ANKS1B: variants seen among roughly 807,000 people sequenced by gnomAD.
The protein encoded by ANKS1B is ankyrin repeat and sterile alpha motif domain containing 1B, also known as ankyrin repeat and sterile alpha motif domain-containing protein 1B.
In ANKS1B, 36 loss-of-function variants were observed where a neutral mutation model predicts 148.3. That is an observed-to-expected ratio of 0.24 (90% CI 0.19 to 0.32). The LOEUF (loss-of-function observed/expected upper bound fraction) is 0.32, where lower values mean the gene tolerates loss of function less well. ANKS1B is among the 10% of genes least tolerant of loss of function. The pLI, the probability that ANKS1B is intolerant of heterozygous loss-of-function variation, is 1.00. For synonymous variants in ANKS1B, 542 were observed against 560.8 expected, an observed-to-expected ratio of 0.97 and a Z score of 0.47; for missense variants, 1,157 against 1,542.6, an observed-to-expected ratio of 0.75 and a Z score of 4.19.
At chr12:99,850,112 A>G (rs990675150) in intron 1 of ANKS1B, among the ~76,000 whole-genome samples, 1 of 152,172 alleles carries the variant, frequency 6.6e-6, no homozygotes, top group African/African-American at 2.4e-5. Flanking sequence ...TAACAGTGGT[A>G]ACAGAAATTG....
At chr12:99,383,910 G>C (rs1272647961) in intron 12 of ANKS1B, among the ~76,000 whole-genome samples, 1 of 151,154 alleles carries the variant, frequency 6.6e-6, no homozygotes, top group East Asian at 1.9e-4. Flanking sequence ...CATGCCTGTA[G>C]TCTCAGCTAC....
chr12:99,475,255 GA>G (rs561280407), intron 10 of ANKS1B, among the ~76,000 whole-genome samples: 83 of 109,804 alleles, frequency 7.6e-4, no homozygotes, highest in African/African-American at 1.3e-3. Flanking sequence ...AAAAAAAAAA[GA>G]AAAAAAAAAA....
chr12:99,550,821 G>A (rs191052706), intron 9 of ANKS1B, among the ~76,000 whole-genome samples: 1 of 152,282 alleles, frequency 6.6e-6, no homozygotes, highest in Non-Finnish European at 1.5e-5. Context: ...TAAAGCTTCT[G>A]TAGATAAATG....
intron 17 of ANKS1B, among the ~76,000 whole-genome samples, chr12:98,882,416 AG>A (rs1302500209): frequency 3.3e-5 from 5 of 152,226 alleles, no homozygotes; most frequent in Non-Finnish European, 7.4e-5. Flanking sequence ...TTAGTCAGAA[AG>A]GTATCGCAAT....
At chr12:99,293,766 A>G (rs968962589) in intron 12 of ANKS1B, among the ~76,000 whole-genome samples, 3 of 152,218 alleles carry the variant, frequency 2.0e-5, no homozygotes, top group Admixed American at 1.3e-4. Flanking sequence ...ATATTTGCAA[A>G]CTATTCATCT....
At chr12:99,498,907 G>A (rs2096629684) in intron 10 of ANKS1B, among the ~76,000 whole-genome samples, 1 of 152,154 alleles carries the variant, frequency 6.6e-6, no homozygotes, top group Non-Finnish European at 1.5e-5. Context: ...CAGTTAGTTG[G>A]CCCTAAGGGG....
At chr12:99,569,293 G>A (rs2097427855) in intron 9 of ANKS1B, among the ~76,000 whole-genome samples, 1 of 152,198 alleles carries the variant, frequency 6.6e-6, no homozygotes, top group Admixed American at 6.5e-5. Flanking sequence ...GAGAGGCTGG[G>A]AACTGCTTCA....
At chr12:98,785,161 T>C (rs990977328) in intron 22 of ANKS1B, among the ~76,000 whole-genome samples, 1 of 152,170 alleles carries the variant, frequency 6.6e-6, no homozygotes, top group South Asian at 2.1e-4. Flanking sequence ...TAGCAAAAGA[T>C]GAAAATGCAT....
In ANKS1B at chr12:99,200,813, T is replaced by C. The variant is rs115717708; in HGVS notation, c.2419+43529A>G. ...TAAGCTCCACAAGGGCAGAAGTCTT[T>C]GCTCTTTTTCTTTCCTATGCACTCA... On this transcript the variant is annotated intron_variant, in intron 14 of 26. Coordinates refer to ENST00000683438, the MANE Select transcript of ANKS1B (RefSeq NM_001352186.2). Among the ~76,000 whole-genome samples the C allele has an allele frequency of 5.0e-3, 760 of 152,320 alleles. 7 individuals are homozygous for C. Among genetic ancestry groups the C allele is most frequent in the African/African-American group, 0.017 (700 of 41,562 alleles).
At chr12:99,454,898 T>A in intron 10 of ANKS1B, among the ~76,000 whole-genome samples, 1 of 152,112 alleles carries the variant, frequency 6.6e-6, no homozygotes. Context: ...AGAAGATGGG[T>A]TCCCTCCCAA....
At chr12:98,807,981 G>T in intron 19 of ANKS1B, 63 bp from the exon 20 acceptor site, 1 of 1,304,608 alleles carries the variant, frequency 7.7e-7, no homozygotes, top group Non-Finnish European at 1.1e-6. Flanking sequence ...TACCAAGGTA[G>T]CATCCAGGAA....
At chr12:99,888,546 C>T (rs1302286110) in intron 1 of ANKS1B, among the ~76,000 whole-genome samples, 1 of 152,162 alleles carries the variant, frequency 6.6e-6, no homozygotes, top group Non-Finnish European at 1.5e-5. Flanking sequence ...AAAGCCACTA[C>T]CAGAAATACA....
In ANKS1B at chr12:99,246,408, G is replaced by A. The variant is rs750713484; in HGVS notation, c.2213C>T (p.Ser738Phe). The change falls in exon 13 of 27, where the codon TCT becomes TTT. Residue 738 changes from serine to phenylalanine, a missense_variant. Around this residue, in one of 6 missense-constraint regions of ANKS1B, gnomAD observed 661 missense variants for 642.1 expected, o/e 1.03. Transcript: ENST00000683438. ...DMHLSKSVSK[S>F]DSDLIAYPSN... The stretch of plus-strand genomic sequence containing the variant: ...AGGATAGGCAATGAGATCAGAATCA[G>A]ATTTAGAGACACTTTTTGACAAATG... 2 of 1,613,856 alleles carry A rather than the reference G, an allele frequency of 1.2e-6. No individual in the cohort carries two copies. The highest frequency in any genetic ancestry group is 8.5e-7 in the Non-Finnish European group (1 of 1,179,864).
At chr12:99,469,184 G>C (rs548892522) in intron 10 of ANKS1B, among the ~76,000 whole-genome samples, 2 of 150,326 alleles carry the variant, frequency 1.3e-5, no homozygotes, top group Non-Finnish European at 3.0e-5. Context: ...GTAAACTATC[G>C]CAAGGACAAA....
chr12:99,337,079 C>G (rs1356413095), intron 12 of ANKS1B, among the ~76,000 whole-genome samples: 1 of 152,010 alleles, frequency 6.6e-6, no homozygotes, highest in African/African-American at 2.4e-5. Flanking sequence ...TTTTATTATA[C>G]CTTTGAATAA....
At chr12:98,900,995 G>A (rs1284486605) in intron 17 of ANKS1B, among the ~76,000 whole-genome samples, 2 of 152,266 alleles carry the variant, frequency 1.3e-5, no homozygotes, top group East Asian at 3.9e-4. Flanking sequence ...TGCTCTCACA[G>A]TAACTTTGCT....
chr12:99,287,238 G>C (rs1361062424), intron 12 of ANKS1B, among the ~76,000 whole-genome samples: 1 of 152,208 alleles, frequency 6.6e-6, no homozygotes, highest in Admixed American at 6.5e-5. Flanking sequence ...AGGAAAGCGA[G>C]AGAAGAGAAC....
chr12:98,943,090 C>T (rs766206363), intron 17 of ANKS1B, among the ~76,000 whole-genome samples: 2 of 152,166 alleles, frequency 1.3e-5, no homozygotes, highest in East Asian at 1.9e-4. Flanking sequence ...TATCTTCTTA[C>T]GATTGTACAC....
intron 1 of ANKS1B, among the ~76,000 whole-genome samples, chr12:99,859,528 A>G (rs1380620518): frequency 2.0e-5 from 3 of 152,226 alleles, no homozygotes; most frequent in Admixed American, 2.0e-4. Flanking sequence ...AATATTCACT[A>G]CAGGCTACAG....
Sources: gnomAD v4.1 joint callset for allele counts (sites outside exome capture counted in the v4.1 genomes callset) on GRCh38, gnomAD v4.1.1 for gene constraint, gnomAD v4.1.1 regional missense constraint, MANE v1.5 for transcripts, NCBI Gene and HGNC (gene_info 2026-07-23, HGNC 2026-07-21) for gene names.